GABRA2: variants seen among roughly 807,000 people sequenced by gnomAD.
GABRA2 encodes the protein gamma-aminobutyric acid type A receptor subunit alpha2, also known as gamma-aminobutyric acid receptor subunit alpha-2.
A neutral mutation model predicts 48.7 loss-of-function variants in GABRA2; 16 were observed. The ratio of observed to expected loss-of-function variants is 0.33; its 90% confidence interval spans 0.22 to 0.50. The LOEUF (loss-of-function observed/expected upper bound fraction) is 0.50. GABRA2 is among the 20% of genes least tolerant of loss of function. The probability of loss-of-function intolerance (pLI) is 0.98; values close to 1 mark genes in which losing one functional copy is unlikely to be tolerated. For synonymous variants in GABRA2, 185 were observed against 184.5 expected (o/e 1.00, Z -0.02); for missense variants, 275 against 535.6 (o/e 0.51, Z 4.80).
rs1729530947 is a variant in GABRA2, at chr4:46,321,985, G to T, written c.256-9269C>A. ...GACATCACAAGTATGCCCCATGGGA[G>T]ATCCAGTATTCATCCACCAACCATA... On this transcript the variant is annotated intron_variant, in intron 4 of 9. Transcript: ENST00000381620. Among the ~76,000 whole-genome samples, 3 of 151,988 alleles carry T rather than the reference G, an allele frequency of 2.0e-5. No homozygotes were observed. The South Asian group carries it at 6.2e-4, about 31-fold the overall frequency.
At chr4:46,313,633 G>A (rs949565166) in intron 4 of GABRA2, among the ~76,000 whole-genome samples, 4 of 150,620 alleles carry the variant, frequency 2.7e-5, no homozygotes, top group Non-Finnish European at 4.4e-5. Context: ...TTAAGGTAAC[G>A]TACACATTTT....
Position 46,261,987 on chromosome 4 carries a change from G to C in GABRA2, c.998C>G (p.Thr333Ser). 6.2e-7 allele frequency: 1 copy of C among 1,613,810 alleles called. No homozygotes were observed. ...FVFSALIEFA[T>S]VNYFTKRGWA... ...TCCTCTTTTGGTGAAGTAATTAACA[G>C]TTGCAAATTCAATTAGGGCAGAGAA... Residue 333 changes from threonine to serine, a missense_variant, in exon 9 of 10, where the codon ACT becomes AGT. Transcript: ENST00000381620.
intron 2 of GABRA2, among the ~76,000 whole-genome samples, chr4:46,387,874 T>C (rs11939386): frequency 0.23 from 35,429 of 151,982 alleles, 4,362 homozygotes; most frequent in African/African-American, 0.26. Flanking sequence ...TCTTAAGTCT[T>C]CTGGTATTTT....
chr4:46,383,126 C>G (rs925521449), intron 3 of GABRA2, among the ~76,000 whole-genome samples: 2 of 152,074 alleles, frequency 1.3e-5, no homozygotes, highest in African/African-American at 4.8e-5. Context: ...TCTTCAAAGT[C>G]TTTTAGTTAT....
intron 3 of GABRA2, among the ~76,000 whole-genome samples, chr4:46,337,031 C>T (rs925372073): frequency 1.3e-5 from 2 of 151,822 alleles, no homozygotes; most frequent in Admixed American, 6.6e-5. Flanking sequence ...TATGAAAGAA[C>T]AAAATTGATG....
intron 6 of GABRA2, among the ~76,000 whole-genome samples, chr4:46,309,195 T>C (rs1456312919): frequency 6.6e-6 from 1 of 152,174 alleles, no homozygotes; most frequent in East Asian, 1.9e-4. Flanking sequence ...GCAGTTCTTG[T>C]ACCACAAAAG....
intron 8 of GABRA2, among the ~76,000 whole-genome samples, chr4:46,284,966 G>A (rs1722255589): frequency 7.0e-6 from 1 of 142,452 alleles, no homozygotes; most frequent in Non-Finnish European, 1.5e-5. Context: ...GAAATTTAAA[G>A]AAGGTAGAAA....
intron 3 of GABRA2, among the ~76,000 whole-genome samples, chr4:46,355,365 G>T (rs1735795955): frequency 6.6e-6 from 1 of 152,058 alleles, no homozygotes; most frequent in Non-Finnish European, 1.5e-5. Context: ...TACTCCAACA[G>T]ATTGTGTTTC....
intron 3 of GABRA2, among the ~76,000 whole-genome samples, chr4:46,342,936 TACAGGTATAAGCC>T (rs1214786347): frequency 6.6e-6 from 1 of 152,050 alleles, no homozygotes; most frequent in Non-Finnish European, 1.5e-5. Context: ...GTGCTGAGAT[TACAGGTATAAGCC>T]ACAGAGCCCT....
intron 3 of GABRA2, among the ~76,000 whole-genome samples, chr4:46,361,795 C>T (rs1385866138): frequency 6.6e-6 from 1 of 152,220 alleles, no homozygotes; most frequent in African/African-American, 2.4e-5. Flanking sequence ...CATGGTAGCC[C>T]ACCTCTTGCA....
intron 9 of GABRA2, chr4:46,261,230 A>G (rs1716909248): frequency 6.6e-6 from 1 of 152,302 alleles, no homozygotes; most frequent in East Asian, 1.9e-4. Flanking sequence ...AATAATCTCA[A>G]AAGAAGTTAA....
chr4:46,261,846 G>GGA (rs2109350650), intron 9 of GABRA2, 80 bp downstream of exon 9: 10 of 1,100,894 alleles, frequency 9.1e-6, no homozygotes, highest in Non-Finnish European at 1.3e-5. Flanking sequence ...TTTAATGTCA[G>GGA]TTTTTAGAAA....
chr4:46,363,910 A>G (rs1043598942), intron 3 of GABRA2: 1 of 152,176 alleles, frequency 6.6e-6, no homozygotes, highest in African/African-American at 2.4e-5. Context: ...TAGCAATTTT[A>G]AAGGTAGAAT....
intron 4 of GABRA2, among the ~76,000 whole-genome samples, chr4:46,321,227 C>T (rs559932683): frequency 1.4e-3 from 205 of 151,682 alleles, no homozygotes; most frequent in Non-Finnish European, 2.4e-3. Flanking sequence ...GCAGTTACTG[C>T]GGTGGGATGT....
Position 46,315,933 on chromosome 4 carries a change from G to C in GABRA2, c.256-3217C>G, listed in dbSNP as rs566369529. 3.6e-3 allele frequency among the ~76,000 whole-genome samples: 393 copies of C among 107,858 alleles called. 2 individuals are homozygous for C. Among genetic ancestry groups the C allele is most frequent in the Non-Finnish European group, 5.8e-3 (297 of 51,494 alleles). 70.8% of individuals were successfully genotyped at this position (107,858 alleles called of 152,430 possible). A position where few individuals can be genotyped will look rare whatever the true frequency, so the allele number is the denominator to read the frequency against. On this transcript the variant is annotated intron_variant, in intron 4 of 9. Coordinates refer to ENST00000381620, the MANE Select transcript of GABRA2 (RefSeq NM_000807.4). ...TCCCATACATGTACTTTCACATTTA[G>C]TACATATATACACACACACACACAC...
At chr4:46,380,934 C>T (rs1716673785) in intron 3 of GABRA2, among the ~76,000 whole-genome samples, 1 of 152,156 alleles carries the variant, frequency 6.6e-6, no homozygotes, top group African/African-American at 2.4e-5. Context: ...CCATCAGACT[C>T]TAAGTCTGTG....
At chr4:46,388,510 C>T in intron 2 of GABRA2, 126 bp downstream of exon 2, 1 of 1,102,872 alleles carries the variant, frequency 9.1e-7, no homozygotes, top group Non-Finnish European at 1.3e-6. Flanking sequence ...AGTTCACTTT[C>T]CCCATACACC....
chr4:46,318,347 C>G (rs566048027), intron 4 of GABRA2, among the ~76,000 whole-genome samples: 1 of 151,034 alleles, frequency 6.6e-6, no homozygotes, highest in Non-Finnish European at 1.5e-5. Context: ...TATATAGATA[C>G]ATAAACAAAT....
chr4:46,303,616 G>C lies in GABRA2; in HGVS notation c.704-4C>G. On this transcript the variant is annotated splice_polypyrimidine_tract_variant and splice_region_variant and intron_variant, in intron 7 of 9. Coordinates refer to ENST00000381620, the MANE Select transcript of GABRA2 (RefSeq NM_000807.4). Reference sequence around the variant, plus strand: ...GCTGTCATTACAGTATATTCACCTGGAAGAAAAATTTAAGAAGCTCAAGGA... The same window carrying C: ...GCTGTCATTACAGTATATTCACCTGCAAGAAAAATTTAAGAAGCTCAAGGA... 6.2e-7 allele frequency: 1 copy of C among 1,612,198 alleles called. No individual in the cohort carries two copies. The highest frequency in any genetic ancestry group is 8.5e-7 in the Non-Finnish European group (1 of 1,178,674).
Sources: allele counts gnomAD v4.1 joint callset (sites outside exome capture counted in the v4.1 genomes callset), GRCh38; gene constraint gnomAD v4.1.1; transcripts MANE v1.5; gene names NCBI Gene and HGNC (gene_info 2026-07-23, HGNC 2026-07-21).